ARID5B: variants seen among roughly 807,000 people sequenced by gnomAD.
The protein encoded by ARID5B is AT-rich interactive domain-containing protein 5B.
Under a neutral mutation model 97.2 loss-of-function variants are expected in ARID5B, and 13 were observed. That is an observed-to-expected ratio of 0.13 (90% CI 0.09 to 0.21). The LOEUF (loss-of-function observed/expected upper bound fraction) is 0.21. ARID5B is among the 10% of genes least tolerant of loss of function. The pLI, the probability that ARID5B is intolerant of heterozygous loss-of-function variation, is 1.00. For missense variants in ARID5B, 1,210 were observed against 1,465.3 expected, an observed-to-expected ratio of 0.83 and a Z score of 2.84; for synonymous variants, 556 against 570.3, an observed-to-expected ratio of 0.97 and a Z score of 0.36.
chr10:62,056,600 G>T (rs1839859352), intron 5 of ARID5B, among the ~76,000 whole-genome samples: 1 of 152,170 alleles, frequency 6.6e-6, no homozygotes, highest in Non-Finnish European at 1.5e-5. Flanking sequence ...AGGAGGCAGG[G>T]TTTGTTCAAG....
intron 4 of ARID5B, among the ~76,000 whole-genome samples, chr10:62,009,418 C>A (rs1314656629): frequency 6.6e-6 from 1 of 152,180 alleles, no homozygotes; most frequent in Non-Finnish European, 1.5e-5. Context: ...CTCTAGACAA[C>A]TGAAAAATCA....
intron 3 of ARID5B, among the ~76,000 whole-genome samples, chr10:61,968,046 T>G (rs1470573713): frequency 6.6e-6 from 1 of 150,848 alleles, no homozygotes; most frequent in Non-Finnish European, 1.5e-5. Context: ...CATTTTCTTA[T>G]TGTACGGCAA....
chr10:61,947,877 T>A (rs1451760778), intron 3 of ARID5B, among the ~76,000 whole-genome samples: 3 of 152,210 alleles, frequency 2.0e-5, no homozygotes, highest in Non-Finnish European at 4.4e-5. Flanking sequence ...CCATCACTCA[T>A]GAAGGCACAA....
rs557323951 is a variant in ARID5B at position 61,919,473 on chromosome 10, A to G, written c.276+17060A>G. On this transcript the variant is annotated intron_variant, in intron 2 of 9. Transcript: ENST00000279873. ...CCATGTAAAGGGAAAGGTCCCAGCC[A>G]AAATGGCTGGGGGGAATCTCAGAAG... Among the ~76,000 whole-genome samples the G allele has an allele frequency of 2.6e-5, 4 of 152,314 alleles. No individual in the cohort carries two copies. The South Asian group carries it at 8.3e-4, about 32-fold the overall frequency.
intron 4 of ARID5B, among the ~76,000 whole-genome samples, chr10:62,028,515 A>C (rs184498421): frequency 1.5e-4 from 23 of 152,228 alleles, no homozygotes; most frequent in South Asian, 4.1e-4. Flanking sequence ...CTCAGTCTGC[A>C]CTCATTGTCA....
intron 2 of ARID5B, among the ~76,000 whole-genome samples, chr10:61,935,904 C>A (rs187673220): frequency 2.0e-5 from 3 of 152,300 alleles, no homozygotes; most frequent in Admixed American, 1.3e-4. Context: ...GTTCTCATAT[C>A]TCCTTCTGCA....
chr10:62,090,087 C>A (rs372835967), intron 9 of ARID5B, among the ~76,000 whole-genome samples: 24 of 152,312 alleles, frequency 1.6e-4, no homozygotes, highest in African/African-American at 5.8e-4. Context: ...GTGTGTCTGT[C>A]TCATTGACTA....
intron 9 of ARID5B, 60 bp from the exon 10 acceptor site, chr10:62,090,802 T>G: frequency 6.6e-7 from 1 of 1,509,382 alleles, no homozygotes; most frequent in South Asian, 1.4e-5. Flanking sequence ...TTTTATTTCA[T>G]AGCAAAACAT....
chr10:61,998,138 G>A (rs1018418165), intron 3 of ARID5B, among the ~76,000 whole-genome samples: 6 of 152,164 alleles, frequency 3.9e-5, no homozygotes, highest in Admixed American at 2.0e-4. Context: ...TGGAAAAGCC[G>A]CCAGCCTGAG....
chr10:61,962,810 G>A (rs922041434), intron 3 of ARID5B, among the ~76,000 whole-genome samples: 7 of 152,140 alleles, frequency 4.6e-5, no homozygotes, highest in Admixed American at 3.9e-4. Context: ...TTAGTTATCC[G>A]TTAAGTCACC....
chr10:62,065,878 C>T (rs1170146131), intron 7 of ARID5B, among the ~76,000 whole-genome samples: 1 of 143,082 alleles, frequency 7.0e-6, no homozygotes, highest in African/African-American at 2.5e-5. Context: ...AAACAAAGAG[C>T]CAGAAGTTCT....
chr10:61,903,047 G>A (rs1843643775), intron 2 of ARID5B, among the ~76,000 whole-genome samples: 1 of 152,126 alleles, frequency 6.6e-6, no homozygotes, highest in Non-Finnish European at 1.5e-5. Flanking sequence ...GCACAAACAC[G>A]TTAAGCATTA....
At chr10:62,073,081 T>A (rs1840085973) in intron 8 of ARID5B, among the ~76,000 whole-genome samples, 1 of 152,244 alleles carries the variant, frequency 6.6e-6, no homozygotes, top group South Asian at 2.1e-4. Flanking sequence ...GGCAAATATC[T>A]AGTCTGGAAA....
Position 61,954,627 on chromosome 10 carries a change from G to C in ARID5B, c.502+14219G>C, listed in dbSNP as rs561759846. ...TGAACTGGTGTTCTTGTGGTTTATT[G>C]GATGTGCATGAGTAGGTGTGTGAAT... On this transcript the variant is annotated intron_variant, in intron 3 of 9. Transcript: ENST00000279873. 1.3e-4 allele frequency among the ~76,000 whole-genome samples: 20 copies of C among 152,232 alleles called. No individual in the cohort carries two copies. In the South Asian group the frequency reaches 3.7e-3, roughly 28 times the overall value.
intron 2 of ARID5B, among the ~76,000 whole-genome samples, chr10:61,923,130 G>A (rs981899726): frequency 6.6e-6 from 1 of 152,122 alleles, no homozygotes; most frequent in Non-Finnish European, 1.5e-5. Context: ...CATACACATG[G>A]GGCATGTTGT....
chr10:61,940,423 T>C lies in ARID5B; in HGVS notation c.502+15T>C. 2 of 1,601,052 alleles carry C rather than the reference T, an allele frequency of 1.2e-6. No homozygotes were observed. The highest frequency in any genetic ancestry group is 1.7e-6 in the Non-Finnish European group (2 of 1,172,114). On this transcript the variant is annotated intron_variant, in intron 3 of 9. Transcript: ENST00000279873. The stretch of plus-strand genomic sequence containing the variant: ...GGCAGACCTGGGTAAATATGACTTG[T>C]AATTTTAAATCTAATGTGTGGGCGT...
chr10:62,083,790 C>T (rs1412106220), intron 8 of ARID5B, among the ~76,000 whole-genome samples: 1 of 152,198 alleles, frequency 6.6e-6, no homozygotes, highest in Non-Finnish European at 1.5e-5. Flanking sequence ...AGACAAAAAT[C>T]CACAACCTGC....
At chr10:61,946,794 G>A (rs919724134) in intron 3 of ARID5B, among the ~76,000 whole-genome samples, 10 of 152,048 alleles carry the variant, frequency 6.6e-5, no homozygotes, top group African/African-American at 1.7e-4. Flanking sequence ...GGTGGCATGC[G>A]CCTGTAGTCC....
chr10:61,951,411 C>T (rs1838323114), intron 3 of ARID5B, among the ~76,000 whole-genome samples: 1 of 152,168 alleles, frequency 6.6e-6, no homozygotes, highest in Admixed American at 6.5e-5. Context: ...CGTTGGGCAG[C>T]CCCACTTGCT....
Sources: gnomAD v4.1 joint callset for allele counts (sites outside exome capture counted in the v4.1 genomes callset) on GRCh38, gnomAD v4.1.1 for gene constraint, MANE v1.5 for transcripts, NCBI Gene and HGNC (gene_info 2026-07-23, HGNC 2026-07-21) for gene names.